Variants in PRKG1 observed in about 807,000 individuals in gnomAD.
PRKG1 encodes cGMP-dependent protein kinase 1.
Under a neutral mutation model 88.1 loss-of-function variants are expected in PRKG1, and 35 were observed. The observed-to-expected ratio is 0.40, with a 90% CI of 0.30 to 0.53. PRKG1 has a LOEUF of 0.53. Among genes scored for constraint, PRKG1 ranks in the 20% least tolerant of loss-of-function variants. The pLI, the probability that PRKG1 is intolerant of heterozygous loss-of-function variation, is 0.59. For missense variants in PRKG1, 540 were observed against 839.8 expected, an observed-to-expected ratio of 0.64 and a Z score of 4.41; for synonymous variants, 303 against 292.5, an observed-to-expected ratio of 1.04 and a Z score of -0.37.
intron 1 of PRKG1, among the ~76,000 whole-genome samples, chr10:51,069,129 C>T (rs1276021605): frequency 6.6e-6 from 1 of 151,814 alleles, no homozygotes; most frequent in Non-Finnish European, 1.5e-5. Flanking sequence ...TTCATTTCAC[C>T]TAATATTAAG....
intron 3 of PRKG1, among the ~76,000 whole-genome samples, chr10:51,576,318 A>G (rs1393331822): frequency 1.3e-5 from 2 of 151,988 alleles, no homozygotes; most frequent in Admixed American, 1.3e-4. Context: ...AAAATTATAT[A>G]TAATGATATC....
intron 3 of PRKG1, among the ~76,000 whole-genome samples, chr10:51,683,876 G>T (rs1254129413): frequency 1.3e-5 from 2 of 152,118 alleles, no homozygotes; most frequent in Non-Finnish European, 2.9e-5. Context: ...GAATCAGATT[G>T]GTCTATTGCA....
At chr10:51,147,603 T>G (rs1845973653) in intron 1 of PRKG1, among the ~76,000 whole-genome samples, 1 of 152,172 alleles carries the variant, frequency 6.6e-6, no homozygotes, top group Admixed American at 6.5e-5. Flanking sequence ...ATTTTAGAAC[T>G]GCAGGAAAAA....
intron 3 of PRKG1, among the ~76,000 whole-genome samples, chr10:51,684,019 T>C (rs1010880779): frequency 6.6e-5 from 10 of 152,318 alleles, no homozygotes; most frequent in South Asian, 2.1e-4. Context: ...ATGTAGCAAT[T>C]CTACTCCTAG....
chr10:51,970,711 G>GATATATATATATCAGATATATCAGATT (rs1564733816), intron 5 of PRKG1, among the ~76,000 whole-genome samples: 5 of 136,170 alleles, frequency 3.7e-5, no homozygotes, highest in African/African-American at 1.2e-4. Flanking sequence ...TATATCATCT[G>GATATATATATATCAGATATATCAGATT]ATATATATAT....
intron 3 of PRKG1, among the ~76,000 whole-genome samples, chr10:51,789,294 G>T (rs559615496): frequency 2.0e-5 from 3 of 152,088 alleles, no homozygotes; most frequent in Non-Finnish European, 2.9e-5. Flanking sequence ...GTTAAAAATG[G>T]CCCACCTGCA....
At chr10:52,184,329 G>C (rs1839127973) in intron 9 of PRKG1, among the ~76,000 whole-genome samples, 1 of 152,110 alleles carries the variant, frequency 6.6e-6, no homozygotes, top group Non-Finnish European at 1.5e-5. Flanking sequence ...AATTTCTGCT[G>C]TTGTGATTAC....
At chr10:51,013,930 C>T (rs1468649966) in intron 1 of PRKG1, among the ~76,000 whole-genome samples, 1 of 152,030 alleles carries the variant, frequency 6.6e-6, no homozygotes, top group Non-Finnish European at 1.5e-5. Context: ...GGCTGTAAAA[C>T]ATCTTCTGGG....
chr10:52,106,369 T>C (rs946153087), intron 7 of PRKG1, among the ~76,000 whole-genome samples: 1 of 152,184 alleles, frequency 6.6e-6, no homozygotes, highest in Non-Finnish European at 1.5e-5. Flanking sequence ...ACTGTAAGTG[T>C]GTCCGATGTG....
intron 8 of PRKG1, among the ~76,000 whole-genome samples, chr10:52,152,725 G>A (rs1384371947): frequency 2.0e-5 from 3 of 152,266 alleles, no homozygotes; most frequent in South Asian, 4.1e-4. Context: ...GGATGAGAGA[G>A]GAAATAAAGG....
intron 2 of PRKG1, among the ~76,000 whole-genome samples, chr10:51,375,761 G>C (rs1842804725): frequency 1.3e-5 from 2 of 151,574 alleles, no homozygotes; most frequent in African/African-American, 2.4e-5. Flanking sequence ...TGGTGGGGGG[G>C]TGTTACTATT....
chr10:51,259,919 T>A (rs933044837), intron 2 of PRKG1, among the ~76,000 whole-genome samples: 1 of 152,236 alleles, frequency 6.6e-6, no homozygotes, highest in Non-Finnish European at 1.5e-5. Context: ...AGTGCTTATA[T>A]GCTTGACTTA....
intron 2 of PRKG1, among the ~76,000 whole-genome samples, chr10:51,392,589 C>T (rs1470743314): frequency 6.6e-6 from 1 of 151,720 alleles, no homozygotes; most frequent in Non-Finnish European, 1.5e-5. Flanking sequence ...CCTTTCCCCC[C>T]TTTCTATTCC....
intron 5 of PRKG1, among the ~76,000 whole-genome samples, chr10:51,991,202 AGTTT>A (rs368902012): frequency 1.2e-4 from 18 of 151,954 alleles, no homozygotes; most frequent in African/African-American, 4.1e-4. Context: ...AACTTTACTG[AGTTT>A]GTTTATTAGC....
rs534667456 is a variant in PRKG1, at chr10:51,478,589, C to A, written c.592+10753C>A. 3.9e-5 allele frequency among the ~76,000 whole-genome samples: 6 copies of A among 152,010 alleles called. No homozygotes were observed. In the South Asian group the frequency reaches 8.3e-4, roughly 21 times the overall value. On this transcript the variant is annotated intron_variant, in intron 3 of 17. Transcript: ENST00000373980. ...CCAGTTTCCCTAAAACTGTAGTGAA[C>A]CAAGTTCTTGAAATTGCTCATATTC...
intron 3 of PRKG1, among the ~76,000 whole-genome samples, chr10:51,642,439 C>G (rs998232334): frequency 1.3e-5 from 2 of 152,010 alleles, no homozygotes; most frequent in African/African-American, 2.4e-5. Flanking sequence ...AGTATTACCC[C>G]CCTCATTATG....
intron 2 of PRKG1, among the ~76,000 whole-genome samples, chr10:51,362,738 C>T (rs915807290): frequency 6.6e-6 from 1 of 151,794 alleles, no homozygotes; most frequent in Non-Finnish European, 1.5e-5. Context: ...ATCAACCCAT[C>T]GTCTACGTTA....
intron 3 of PRKG1, among the ~76,000 whole-genome samples, chr10:51,795,161 A>G (rs550939198): frequency 5.3e-5 from 8 of 152,242 alleles, no homozygotes; most frequent in South Asian, 2.1e-4. Context: ...GGAAGTCACC[A>G]TTGGCCTTTA....
intron 1 of PRKG1, among the ~76,000 whole-genome samples, chr10:51,133,961 CTA>C (rs937077771): frequency 2.0e-5 from 3 of 152,108 alleles, no homozygotes; most frequent in Non-Finnish European, 2.9e-5. Flanking sequence ...CATAATAAAA[CTA>C]TGTCTTTTAT....
Sources: gnomAD v4.1 joint callset for allele counts (sites outside exome capture counted in the v4.1 genomes callset) on GRCh38, gnomAD v4.1.1 for gene constraint, MANE v1.5 for transcripts, NCBI Gene and HGNC (gene_info 2026-07-23, HGNC 2026-07-21) for gene names.